Variants in SAMHD1 observed in about 807,000 individuals in gnomAD.
The protein encoded by SAMHD1 is deoxynucleoside triphosphate triphosphohydrolase SAMHD1.
SAMHD1 carries 54 observed loss-of-function variants against 79.6 expected under a neutral mutation model. The observed-to-expected ratio is 0.68, with a 90% confidence interval of 0.55 to 0.85. The LOEUF (loss-of-function observed/expected upper bound fraction) is 0.85, where lower values mean the gene tolerates loss of function less well. Ranked by LOEUF, SAMHD1 falls within the 40% of genes least tolerant of loss-of-function variation. The probability of loss-of-function intolerance (pLI) is 0.00; values close to 1 mark genes in which losing one functional copy is unlikely to be tolerated. For synonymous variants in SAMHD1, 260 were observed against 264.1 expected (o/e 0.98, Z 0.15); for missense variants, 663 against 782.7 (o/e 0.85, Z 1.82).
chr20:36,931,804 A>C (rs1213401490), intron 4 of SAMHD1, among the ~76,000 whole-genome samples: 2 of 152,182 alleles, frequency 1.3e-5, no homozygotes, highest in African/African-American at 2.4e-5. Flanking sequence ...AACCTTAAAA[A>C]GGAAATAAAA....
chr20:36,951,284 G>A (rs1281623084), intron 1 of SAMHD1, 152 bp downstream of exon 1: 10 of 1,082,504 alleles, frequency 9.2e-6, no homozygotes, highest in Non-Finnish European at 1.2e-5. Context: ...CCTTTCCTCG[G>A]CGCCCCCAGC....
intron 3 of SAMHD1, among the ~76,000 whole-genome samples, chr20:36,939,075 C>CAAAAAAAAAAAAAAAAAAAAA (rs1178988134): frequency 4.4e-5 from 1 of 22,528 alleles, no homozygotes; most frequent in Non-Finnish European, 7.0e-5. Context: ...CTAAAAATAC[C>CAAAAAAAAAAAAAAAAAAAAA]AAAAAAAAAA....
chr20:36,899,975 T>C (rs1990271413), intron 13 of SAMHD1, among the ~76,000 whole-genome samples: 2 of 151,478 alleles, frequency 1.3e-5, no homozygotes, highest in South Asian at 4.2e-4. Flanking sequence ...GCGCCTGTAG[T>C]CCCGGCTACT....
chr20:36,950,394 A>G (rs2063725852), intron 1 of SAMHD1, among the ~76,000 whole-genome samples: 1 of 152,104 alleles, frequency 6.6e-6, no homozygotes, highest in Non-Finnish European at 1.5e-5. Flanking sequence ...GTCCTGAACC[A>G]CTAATGTTCC....
At chr20:36,946,865 T>C (rs1183152236) in intron 1 of SAMHD1, 61 bp from the exon 2 acceptor site, 3 of 1,332,698 alleles carry the variant, frequency 2.3e-6, no homozygotes, top group Non-Finnish European at 3.2e-6. Context: ...TTCTTTCAAT[T>C]TGGATACACC....
chr20:36,900,334 C>G (rs1990280492), intron 13 of SAMHD1, among the ~76,000 whole-genome samples: 2 of 151,330 alleles, frequency 1.3e-5, no homozygotes, highest in African/African-American at 4.9e-5. Flanking sequence ...CAACCTCTGC[C>G]TCCCAGGTTC....
chr20:36,940,160 T>C (rs1291958410), intron 3 of SAMHD1: 1 of 139,118 alleles, frequency 7.2e-6, no homozygotes, highest in African/African-American at 2.8e-5. Flanking sequence ...TGAGACAAGA[T>C]AGTGCCACTG....
intron 11 of SAMHD1, among the ~76,000 whole-genome samples, chr20:36,906,252 A>T (rs2148361206): frequency 6.6e-6 from 1 of 152,336 alleles, no homozygotes; most frequent in East Asian, 1.9e-4. Flanking sequence ...AGCCTGGCCA[A>T]CATGGCAAAA....
chr20:36,937,890 C>T (rs2063615534), intron 3 of SAMHD1, among the ~76,000 whole-genome samples: 1 of 143,286 alleles, frequency 7.0e-6, no homozygotes, highest in South Asian at 2.2e-4. Context: ...CAGGGTCTCA[C>T]TCTGTTGCCC....
intron 2 of SAMHD1, among the ~76,000 whole-genome samples, chr20:36,941,679 C>A (rs2063645047): frequency 6.6e-6 from 1 of 152,046 alleles, no homozygotes; most frequent in South Asian, 2.1e-4. Flanking sequence ...ATATCATCCT[C>A]CCTCCTGGCT....
chr20:36,909,080 G>A (rs1475686236), intron 11 of SAMHD1, among the ~76,000 whole-genome samples: 5 of 152,072 alleles, frequency 3.3e-5, no homozygotes, highest in African/African-American at 1.2e-4. Flanking sequence ...TCCTGCCTCA[G>A]CCTCCTGAGT....
At chr20:36,895,143 G>C (rs893058612) in intron 15 of SAMHD1, among the ~76,000 whole-genome samples, 3 of 151,976 alleles carry the variant, frequency 2.0e-5, no homozygotes, top group African/African-American at 7.3e-5. Flanking sequence ...CAGTGTCAAT[G>C]CTCCCTACTG....
chr20:36,904,374 A>G, intron 12 of SAMHD1, 125 bp from the exon 13 acceptor site: 1 of 749,412 alleles, frequency 1.3e-6, no homozygotes, highest in Middle Eastern at 2.3e-4. Flanking sequence ...CTTAACAAAT[A>G]TAGCTCCTAC....
chr20:36,901,695 C>CA (rs920359097), intron 13 of SAMHD1, among the ~76,000 whole-genome samples: 108 of 152,160 alleles, frequency 7.1e-4, no homozygotes, highest in African/African-American at 2.4e-3. Context: ...GTGATTACAT[C>CA]ACTGCACTCC....
chr20:36,929,530 T>C (rs1344844599), intron 5 of SAMHD1, among the ~76,000 whole-genome samples: 1 of 151,722 alleles, frequency 6.6e-6, no homozygotes, highest in Non-Finnish European at 1.5e-5. Context: ...AGGTCAGGAG[T>C]TCGAGACCAG....
rs994083000 is a variant in SAMHD1, at chr20:36,904,268, C to T, written c.1411-19G>A. ...AGTCCTCCTGGAAAACACAAGACTC[C>T]CCATGTTAGAATCCATTTTTCATCA... On this transcript the variant is annotated intron_variant, in intron 12 of 15. Coordinates refer to ENST00000646673, the MANE Select transcript of SAMHD1 (RefSeq NM_015474.4). 7 of 1,534,072 alleles carry T rather than the reference C, an allele frequency of 4.6e-6. No homozygotes were observed. In the South Asian group the frequency reaches 5.6e-5, roughly 12 times the overall value.
At chr20:36,918,865 G>A (rs1364939599) in intron 7 of SAMHD1, among the ~76,000 whole-genome samples, 2 of 150,414 alleles carry the variant, frequency 1.3e-5, no homozygotes, top group African/African-American at 4.9e-5. Context: ...GCCAAGCACA[G>A]TGGCTCACAC....
chr20:36,928,189 C>A (rs1440010044), intron 5 of SAMHD1, among the ~76,000 whole-genome samples: 1 of 148,520 alleles, frequency 6.7e-6, no homozygotes, highest in Non-Finnish European at 1.5e-5. Flanking sequence ...GAGTTCGAGA[C>A]CAGCCCGGCC....
At chr20:36,922,560 T>C (rs115066781) in intron 6 of SAMHD1, among the ~76,000 whole-genome samples, 2,282 of 152,244 alleles carry the variant, frequency 0.015, 61 homozygotes, top group African/African-American at 0.052. Flanking sequence ...TTCATAATTT[T>C]GTAGAGACAG....
Sources: gnomAD v4.1 joint callset for allele counts (sites outside exome capture counted in the v4.1 genomes callset) on GRCh38, gnomAD v4.1.1 for gene constraint, MANE v1.5 for transcripts, NCBI Gene and HGNC (gene_info 2026-07-23, HGNC 2026-07-21) for gene names.